Variants in ASCC2 observed in about 807,000 individuals in gnomAD.
The protein encoded by ASCC2 is activating signal cointegrator 1 complex subunit 2.
ASCC2 carries 42 observed loss-of-function variants against 93.5 expected under a neutral mutation model. That is an observed-to-expected ratio of 0.45 (90% confidence interval 0.35 to 0.58). The LOEUF is 0.58. Ranked by LOEUF, ASCC2 falls within the 20% of genes least tolerant of loss-of-function variation. The pLI is 0.00. For missense variants in ASCC2, 859 were observed against 977.6 expected (o/e 0.88, Z 1.62); for synonymous variants, 364 against 384.2 (o/e 0.95, Z 0.62).
At position 29,833,849 on chromosome 22, in the gene ASCC2, T is replaced by C. The variant is rs75560173; in HGVS notation, c.-17-1507A>G. On this transcript the variant is annotated intron_variant, in intron 1 of 19. Coordinates refer to ENST00000307790, the MANE Select transcript of ASCC2 (RefSeq NM_032204.5). ...AGATATTGGGCCAGGCTTAATGATATGAAGAGCTCCTCTAAGTGCTTTTCT... is the reference window on the plus strand; with the variant it reads ...AGATATTGGGCCAGGCTTAATGATACGAAGAGCTCCTCTAAGTGCTTTTCT... 4.3e-3 allele frequency among the ~76,000 whole-genome samples: 648 copies of C among 151,594 alleles called. 5 individuals carry two copies. Among genetic ancestry groups the C allele is most frequent in the African/African-American group, 0.014 (599 of 41,368 alleles).
chr22:29,834,343 G>A, intron 1 of ASCC2: 1 of 370,948 alleles, frequency 2.7e-6, no homozygotes, highest in South Asian at 2.1e-5. Flanking sequence ...GGGTGCCCCA[G>A]GCAGAGGAAA....
intron 15 of ASCC2, among the ~76,000 whole-genome samples, chr22:29,797,030 C>G (rs2058525783): frequency 6.6e-6 from 1 of 152,156 alleles, no homozygotes; most frequent in African/African-American, 2.4e-5. Flanking sequence ...CAGGTAGGGA[C>G]AGTGAAGCCC....
chr22:29,828,960 A>G (rs2062785001), intron 2 of ASCC2, among the ~76,000 whole-genome samples: 1 of 152,082 alleles, frequency 6.6e-6, no homozygotes, highest in South Asian at 2.1e-4. Context: ...CCATCACTTG[A>G]GGCCAGGAGT....
At chr22:29,822,201 A>T in intron 5 of ASCC2, 134 bp downstream of exon 5, 3 of 1,181,004 alleles carry the variant, frequency 2.5e-6, no homozygotes, top group African/African-American at 1.5e-5. Context: ...TATATCTGTT[A>T]AGCAATTTCC....
At chr22:29,792,682 G>C in intron 17 of ASCC2, 147 bp from the exon 18 acceptor site, 2 of 1,135,128 alleles carry the variant, frequency 1.8e-6, no homozygotes, top group Non-Finnish European at 2.5e-6. Flanking sequence ...AGCCAGATTT[G>C]CTCCAGCCCC....
intron 15 of ASCC2, 75 bp downstream of exon 15, chr22:29,800,916 A>T: frequency 6.7e-7 from 1 of 1,499,346 alleles, no homozygotes; most frequent in Non-Finnish European, 9.0e-7. Context: ...GCGAAGATGG[A>T]GCCCTTGGTT....
chr22:29,836,706 A>G (rs145187967), intron 1 of ASCC2, among the ~76,000 whole-genome samples: 397 of 152,212 alleles, frequency 2.6e-3, no homozygotes, highest in African/African-American at 9.2e-3. Flanking sequence ...GAATACAGGC[A>G]TACGCCTGGC....
At chr22:29,824,923 A>T (rs569892649) in intron 4 of ASCC2, among the ~76,000 whole-genome samples, 164 bp downstream of exon 4, 18 of 152,282 alleles carry the variant, frequency 1.2e-4, no homozygotes, top group African/African-American at 3.9e-4. Context: ...GAATTAGAGG[A>T]TAAGGGACGT....
chr22:29,794,844 C>T (rs531505899), intron 15 of ASCC2, among the ~76,000 whole-genome samples: 10 of 152,344 alleles, frequency 6.6e-5, no homozygotes, highest in Non-Finnish European at 1.5e-5. Flanking sequence ...ACTACGCTAA[C>T]TCTGTTTCTA....
chr22:29,806,215 C>G lies in ASCC2; in HGVS notation c.1160+1G>C. The G allele has an allele frequency of 1.2e-6, 2 of 1,614,020 alleles. No homozygotes were observed. The highest frequency in any genetic ancestry group is 1.7e-6 in the Non-Finnish European group (2 of 1,179,958). On this transcript the variant is annotated splice_donor_variant, in intron 12 of 19. Transcript: ENST00000307790. LOFTEE classifies it high-confidence loss of function. ...CGTAGTGGGCTATGGTAGAAGGATA[C>G]AAGACTGATGAGGCCTGCTGCAGCA...
At chr22:29,811,785 GC>G in intron 8 of ASCC2, among the ~76,000 whole-genome samples, 1 of 152,312 alleles carries the variant, frequency 6.6e-6, no homozygotes, top group Non-Finnish European at 1.5e-5. Context: ...TCTCCAAAGA[GC>G]CTTTCAAAAG....
intron 2 of ASCC2, among the ~76,000 whole-genome samples, chr22:29,826,538 T>C (rs915727949): frequency 1.3e-5 from 2 of 152,150 alleles, no homozygotes; most frequent in African/African-American, 4.8e-5. Context: ...CTCAAACTCC[T>C]GGGCTCAAGC....
At position 29,832,869 on chromosome 22, in the gene ASCC2, T is replaced by C. The variant is rs190041683; in HGVS notation, c.-17-527A>G. Among the ~76,000 whole-genome samples the C allele has an allele frequency of 4.6e-5, 7 of 152,202 alleles. 1 individual carries two copies. Among genetic ancestry groups the C allele is most frequent in the Middle Eastern group, 6.8e-3 (2 of 294 alleles). On this transcript the variant is annotated intron_variant, in intron 1 of 19. Coordinates refer to ENST00000307790, the MANE Select transcript of ASCC2 (RefSeq NM_032204.5). ...AATCCTCCCACCTCAGCCTCCTGAG[T>C]AGCTGGGACTACAGGCATGCACCAC...
intron 9 of ASCC2, among the ~76,000 whole-genome samples, chr22:29,807,625 T>G (rs2059825499): frequency 6.6e-6 from 1 of 152,220 alleles, no homozygotes; most frequent in Non-Finnish European, 1.5e-5. Context: ...TGTTGCAGTC[T>G]TTCTTATTAG....
rs560003464 is a variant in ASCC2, at chr22:29,813,907, G to A, written c.721-365C>T. On this transcript the variant is annotated intron_variant, in intron 7 of 19. Transcript: ENST00000307790. ...ATCCGAGGCAGGACAAGAATATTAA[G>A]TCCATAGGTTTTTCACATCTTGAAG... Among the ~76,000 whole-genome samples, 7 of 152,312 alleles carry A rather than the reference G, an allele frequency of 4.6e-5. No homozygotes were observed. In the South Asian group the frequency reaches 1.5e-3, roughly 32 times the overall value.
intron 12 of ASCC2, 132 bp downstream of exon 12, chr22:29,806,084 A>C (rs1712419698): frequency 1.0e-6 from 1 of 958,642 alleles, no homozygotes; most frequent in Non-Finnish European, 1.6e-6. Context: ...TTGGCAGGCC[A>C]CCTCGGACAG....
chr22:29,798,222 A>G (rs946477013), intron 15 of ASCC2, among the ~76,000 whole-genome samples: 2 of 152,052 alleles, frequency 1.3e-5, no homozygotes, highest in Non-Finnish European at 2.9e-5. Flanking sequence ...CACCTCACCC[A>G]TTCTCCAAAC....
intron 15 of ASCC2, among the ~76,000 whole-genome samples, chr22:29,796,212 G>A (rs2058417213): frequency 6.6e-6 from 1 of 152,032 alleles, no homozygotes; most frequent in South Asian, 2.1e-4. Flanking sequence ...GGGTTCAAGC[G>A]ATTCTCCTGC....
At position 29,825,016 on chromosome 22, in the gene ASCC2, C is replaced by T; in HGVS notation, c.411+71G>A. ...CTCAATGCTTCCAGAGCCTTCCTTC[C>T]CAGGGGTGGAGAGCCCGGCACAGAG... On this transcript the variant is annotated intron_variant, in intron 4 of 19. Coordinates refer to ENST00000307790, the MANE Select transcript of ASCC2 (RefSeq NM_032204.5). This position sits in a 1 kb window ranked among gnomAD's most constrained non-coding sequence, Gnocchi z 4.9. The T allele has an allele frequency of 7.8e-7, 1 of 1,278,398 alleles. No homozygotes were observed. The highest frequency in any genetic ancestry group is 1.0e-6 in the Non-Finnish European group (1 of 972,188). 79.2% of individuals were successfully genotyped at this position (1,278,398 alleles called of 1,614,324 possible).
Sources: gnomAD v4.1 joint callset for allele counts (sites outside exome capture counted in the v4.1 genomes callset) on GRCh38, gnomAD v4.1.1 for gene constraint, Gnocchi (gnomAD v3.1) non-coding constraint, MANE v1.5 for transcripts, NCBI Gene and HGNC (gene_info 2026-07-23, HGNC 2026-07-21) for gene names.